Variants in WWOX observed in about 807,000 individuals in gnomAD.
The protein encoded by WWOX is WW domain-containing oxidoreductase.
A neutral mutation model predicts 46.2 loss-of-function variants in WWOX; 69 were observed. The observed-to-expected ratio is 1.49, with a 90% CI of 1.23 to 1.82. The LOEUF is 1.82. Among genes scored for constraint, WWOX ranks in the 40% most tolerant of loss-of-function variants. The probability of loss-of-function intolerance (pLI) is 0.00; values close to 1 mark genes in which losing one functional copy is unlikely to be tolerated. For synonymous variants in WWOX, 359 were observed against 202.6 expected (o/e 1.77, Z -6.56); for missense variants, 919 against 542.6 (o/e 1.69, Z -6.89).
chr16:78,688,840 T>C (rs527725386), intron 8 of WWOX, among the ~76,000 whole-genome samples: 16 of 152,308 alleles, frequency 1.1e-4, no homozygotes, highest in African/African-American at 3.1e-4. Context: ...GATTGAATCA[T>C]GTGTGCAGTT....
chr16:78,397,657 G>T (rs1448176904), intron 6 of WWOX, among the ~76,000 whole-genome samples: 3 of 152,208 alleles, frequency 2.0e-5, no homozygotes, highest in African/African-American at 7.2e-5. Context: ...GAGTAAAATA[G>T]ATGATGGACA....
chr16:78,112,703 CT>C lies in WWOX; in HGVS notation c.231-2260del, dbSNP rs1191825699. Among the ~76,000 whole-genome samples the C allele has an allele frequency of 9.3e-3, 1,058 of 114,090 alleles. 5 individuals carry two copies. The highest frequency in any genetic ancestry group is 0.032 in the South Asian group (111 of 3,516). The allele number at this position is 114,090 out of a possible 152,430, so 74.8% of individuals were successfully genotyped here. A position where few individuals can be genotyped will look rare whatever the true frequency, so the allele number is the denominator to read the frequency against. On this transcript the variant is annotated intron_variant, in intron 3 of 8. Transcript: ENST00000566780. Reference sequence around the variant, plus strand: ...TTTTTTTTTTTTCCAAGTTTTCTTTCTTTTTTTTTTTTTATACTGGGTCTTG... The same window carrying C: ...TTTTTTTTTTTTCCAAGTTTTCTTTCTTTTTTTTTTTTATACTGGGTCTTG...
intron 8 of WWOX, among the ~76,000 whole-genome samples, chr16:78,528,165 A>ATTTTTTTTTTTTTTTTTTTTTTTTT (rs56803717): frequency 5.1e-5 from 3 of 58,400 alleles, no homozygotes; most frequent in African/African-American, 1.7e-4. Flanking sequence ...CACCTGGCTA[A>ATTTTTTTTTTTTTTTTTTTTTTTTT]TTTTTTTTTT....
At chr16:78,855,249 C>T (rs58597931) in intron 8 of WWOX, among the ~76,000 whole-genome samples, 2 of 152,030 alleles carry the variant, frequency 1.3e-5, no homozygotes, top group African/African-American at 4.8e-5. Flanking sequence ...GATTAAAAAC[C>T]AAAGTACTAA....
chr16:78,893,637 T>C (rs527774157), intron 8 of WWOX, among the ~76,000 whole-genome samples: 1 of 152,348 alleles, frequency 6.6e-6, no homozygotes, highest in East Asian at 1.9e-4. Flanking sequence ...TATTGTTGTT[T>C]TCTTCCTTGC....
chr16:78,293,004 G>A (rs1374371782), intron 5 of WWOX, among the ~76,000 whole-genome samples: 1 of 152,156 alleles, frequency 6.6e-6, no homozygotes, highest in African/African-American at 2.4e-5. Context: ...ACCATTTCTT[G>A]TTGGTCCTTT....
At chr16:79,207,140 G>T (rs1392351897) in intron 8 of WWOX, among the ~76,000 whole-genome samples, 1 of 152,132 alleles carries the variant, frequency 6.6e-6, no homozygotes, top group Non-Finnish European at 1.5e-5. Flanking sequence ...GTGACATGAG[G>T]GCTCACCCCC....
chr16:78,905,775 A>G (rs1010739105), intron 8 of WWOX, among the ~76,000 whole-genome samples: 9 of 152,298 alleles, frequency 5.9e-5, no homozygotes, highest in South Asian at 2.1e-4. Flanking sequence ...TATTTATACA[A>G]TGTAGTTTAA....
Position 78,200,672 on chromosome 16 carries a change from C to A in WWOX, c.516+36383C>A, listed in dbSNP as rs2036201706. ...TGGGGAATTTTTGTTATCTGTAGAG[C>A]TGGATTAATTTTACAGTGTGGTGCC... On this transcript the variant is annotated intron_variant, in intron 5 of 8. Coordinates refer to ENST00000566780, the MANE Select transcript of WWOX (RefSeq NM_016373.4). Among the ~76,000 whole-genome samples, 3 of 144,562 alleles carry A rather than the reference C, an allele frequency of 2.1e-5. No homozygotes were observed. In the South Asian group the frequency reaches 6.8e-4, roughly 33 times the overall value. The allele number at this position is 144,562 out of a possible 152,430, so 94.8% of individuals were successfully genotyped here.
In WWOX at chr16:79,212,092, G is replaced by C; in HGVS notation, c.*296G>C. The C allele has an allele frequency of 6.5e-7, 1 of 1,536,146 alleles. No homozygotes were observed. Among genetic ancestry groups the C allele is most frequent in the Non-Finnish European group, 8.7e-7 (1 of 1,146,882 alleles). Reference sequence around the variant, plus strand: ...GTAGGTTCCGTATCTCCCTGGAGAAGCACCAGCAATTCTCTTTCTTTTACT... The same window carrying C: ...GTAGGTTCCGTATCTCCCTGGAGAACCACCAGCAATTCTCTTTCTTTTACT... On this transcript the variant is annotated 3_prime_UTR_variant, in exon 9 of 9. Transcript: ENST00000566780.
rs143191516 is a variant in WWOX at position 78,954,405 on chromosome 16, T to A, written c.1057-257203T>A. 6.6e-4 allele frequency among the ~76,000 whole-genome samples: 100 copies of A among 152,224 alleles called. No individual in the cohort carries two copies. In the East Asian group the frequency reaches 9.7e-3, roughly 15 times the overall value. ...GTGGATGAACAGATGAATGGATGCA[T>A]GGATGAATGAGTAGTTGGATGGATG... On this transcript the variant is annotated intron_variant, in intron 8 of 8. Coordinates refer to ENST00000566780, the MANE Select transcript of WWOX (RefSeq NM_016373.4).
intron 8 of WWOX, among the ~76,000 whole-genome samples, chr16:78,690,070 A>G (rs1290682121): frequency 6.6e-6 from 1 of 152,074 alleles, no homozygotes; most frequent in African/African-American, 2.4e-5. Context: ...CATGTTGACC[A>G]GGCTGGTCTC....
chr16:79,034,000 T>C (rs1487285621), intron 8 of WWOX, among the ~76,000 whole-genome samples: 4 of 152,162 alleles, frequency 2.6e-5, no homozygotes, highest in Non-Finnish European at 5.9e-5. Context: ...TCCTGATTCA[T>C]TCCTGGGGAA....
intron 8 of WWOX, among the ~76,000 whole-genome samples, chr16:78,953,493 T>G (rs1411715854): frequency 6.6e-6 from 1 of 152,142 alleles, no homozygotes; most frequent in Non-Finnish European, 1.5e-5. Context: ...AATTGCTGAT[T>G]TATGGCTACA....
At chr16:79,124,484 A>C (rs1002101808) in intron 8 of WWOX, among the ~76,000 whole-genome samples, 3 of 152,192 alleles carry the variant, frequency 2.0e-5, no homozygotes, top group Non-Finnish European at 2.9e-5. Context: ...GTGTGGCACA[A>C]AGGCGGCTCT....
intron 5 of WWOX, among the ~76,000 whole-genome samples, chr16:78,207,770 A>C (rs1235200658): frequency 6.6e-6 from 1 of 151,938 alleles, no homozygotes; most frequent in African/African-American, 2.4e-5. Context: ...ACAAAAAAAA[A>C]AAAAAAAAAG....
chr16:78,867,651 C>T (rs756954682), intron 8 of WWOX, among the ~76,000 whole-genome samples: 3 of 151,954 alleles, frequency 2.0e-5, no homozygotes, highest in Admixed American at 6.6e-5. Flanking sequence ...AGAGAGTCTC[C>T]CACCTCAGCC....
At chr16:78,280,075 T>G (rs1049988037) in intron 5 of WWOX, among the ~76,000 whole-genome samples, 1 of 152,248 alleles carries the variant, frequency 6.6e-6, no homozygotes, top group Non-Finnish European at 1.5e-5. Context: ...TCTAGAGTGT[T>G]CCAGGCAGTT....
At chr16:78,786,179 G>A (rs2050451504) in intron 8 of WWOX, among the ~76,000 whole-genome samples, 1 of 152,148 alleles carries the variant, frequency 6.6e-6, no homozygotes, top group African/African-American at 2.4e-5. Flanking sequence ...CAAAGTGCTG[G>A]GATTACAGGC....
Sources: allele counts gnomAD v4.1 joint callset (sites outside exome capture counted in the v4.1 genomes callset), GRCh38; gene constraint gnomAD v4.1.1; transcripts MANE v1.5; gene names NCBI Gene and HGNC (gene_info 2026-07-23, HGNC 2026-07-21).